The following VLDLR variants were observed in gnomAD, a reference collection of about 807,000 sequenced individuals.
VLDLR encodes very low-density lipoprotein receptor.
In VLDLR, 81 loss-of-function variants were observed where a neutral mutation model predicts 112.7. The observed-to-expected ratio is 0.72, with a 90% confidence interval of 0.60 to 0.86. The LOEUF is 0.86. VLDLR is among the 40% of genes least tolerant of loss of function. VLDLR has a pLI of 0.00. For missense variants in VLDLR, 1,237 were observed against 1,099.4 expected (o/e 1.13, Z -1.77); for synonymous variants, 436 against 384.8 (o/e 1.13, Z -1.56).
intron 11 of VLDLR, 143 bp from the exon 12 acceptor site, chr9:2,647,331 A>T (rs894663374): frequency 3.2e-5 from 22 of 698,362 alleles, no homozygotes; most frequent in Admixed American, 8.6e-5. Context: ...TACCTAGAAC[A>T]TAATTTAGAC....
intron 7 of VLDLR, 145 bp from the exon 8 acceptor site, chr9:2,644,589 C>T (rs1036653588): frequency 7.0e-6 from 7 of 1,001,616 alleles, no homozygotes; most frequent in Non-Finnish European, 1.0e-5. Context: ...GAAATATATA[C>T]CTATAAAATA....
intron 16 of VLDLR, 113 bp downstream of exon 16, chr9:2,651,611 AC>A: frequency 9.6e-7 from 1 of 1,046,418 alleles, no homozygotes; most frequent in East Asian, 2.6e-5. Flanking sequence ...CCAATTGGTA[AC>A]CTATATTTAA....
intron 4 of VLDLR, among the ~76,000 whole-genome samples, chr9:2,641,847 G>C (rs1016059056): frequency 5.9e-5 from 9 of 152,034 alleles, no homozygotes; most frequent in Non-Finnish European, 8.8e-5. Flanking sequence ...AAATTAGAAG[G>C]TGAGTAGGGT....
At chr9:2,653,576 T>C (rs559235616) in intron 18 of VLDLR, among the ~76,000 whole-genome samples, 1 of 152,258 alleles carries the variant, frequency 6.6e-6, no homozygotes, top group African/African-American at 2.4e-5. Context: ...TTCACATTTT[T>C]CCCCAAGACT....
rs1172542610 is a variant in VLDLR at position 2,635,544 on chromosome 9, T to C, written c.174T>C (p.Cys58=). 6.2e-7 allele frequency: 1 copy of C among 1,614,054 alleles called. No homozygotes were observed. The highest frequency in any genetic ancestry group is 8.5e-7 in the Non-Finnish European group (1 of 1,180,004). Residue 58 remains cysteine, a synonymous_variant, in exon 2 of 19, where the codon TGT becomes TGC. Transcript: ENST00000382100. ...LLWKCDGDED[C]VDGSDEKNCV... is the part of the protein sequence containing the mutation. Reference sequence around the variant, plus strand: ...GGAAATGTGATGGGGATGAAGACTGTGTTGACGGCAGTGATGAAAAGAACT... The same window carrying C: ...GGAAATGTGATGGGGATGAAGACTGCGTTGACGGCAGTGATGAAAAGAACT...
In VLDLR at chr9:2,657,428, C is replaced by T. The variant is rs964141292; in HGVS notation, c.*3560C>T. On this transcript the variant is annotated 3_prime_UTR_variant, in exon 19 of 19. Coordinates refer to ENST00000382100, the MANE Select transcript of VLDLR (RefSeq NM_003383.5). ...AGTTTCATAATTGTTTTATCCTGAA[C>T]GTAGTTGTGACATAGACATTTCTCA... is the stretch of plus-strand genomic sequence containing the variant. 2 of 152,166 alleles carry T rather than the reference C, an allele frequency of 1.3e-5. No individual in the cohort carries two copies. The highest frequency in any genetic ancestry group is 1.5e-5 in the Non-Finnish European group (1 of 68,034). 9.4% of individuals were successfully genotyped at this position (152,166 alleles called of 1,614,324 possible).
At chr9:2,650,637 C>T (rs999802698) in intron 15 of VLDLR, 121 bp downstream of exon 15, 66 of 1,370,036 alleles carry the variant, frequency 4.8e-5, no homozygotes, top group South Asian at 6.2e-5. Flanking sequence ...GAGAAGATAT[C>T]TGCTATTGTA....
rs1304336697 is a variant in VLDLR, at chr9:2,650,413, A to C, written c.2148A>C (p.Glu716Asp). ...AAGACATGGAGAATGGAGGATGTGA[A>C]TACCTATGCCTGCCAGCACCACAGA... The part of the protein sequence containing the change: ...CEEDMENGGC[E>D]YLCLPAPQIN... The change falls in exon 15 of 19, where the codon GAA (glutamate) becomes GAC (aspartate). Residue 716 changes from glutamate to aspartate, a missense_variant. Transcript: ENST00000382100. The C allele has an allele frequency of 6.2e-7, 1 of 1,614,130 alleles. No homozygotes were observed. Among genetic ancestry groups the C allele is most frequent in the South Asian group, 1.1e-5 (1 of 91,076 alleles).
chr9:2,658,000 G>C lies in VLDLR; in HGVS notation c.*4132G>C, dbSNP rs946528339. The C allele has an allele frequency of 1.3e-5, 2 of 152,068 alleles. No individual in the cohort carries two copies. The highest frequency in any genetic ancestry group is 2.9e-5 in the Non-Finnish European group (2 of 68,002). 9.4% of individuals were successfully genotyped at this position (152,068 alleles called of 1,614,324 possible). On this transcript the variant is annotated 3_prime_UTR_variant, in exon 19 of 19. Coordinates refer to ENST00000382100, the MANE Select transcript of VLDLR (RefSeq NM_003383.5). The stretch of plus-strand genomic sequence containing the variant: ...TATGAGAGTTCAGAAATATATAAAA[G>C]TACAAAAATCTTCAAAGGTACTTAT...
At chr9:2,647,299 A>G (rs879556852) in intron 11 of VLDLR, among the ~76,000 whole-genome samples, 175 bp from the exon 12 acceptor site, 12 of 152,202 alleles carry the variant, frequency 7.9e-5, no homozygotes, top group Non-Finnish European at 1.2e-4. Context: ...GAGCTTGTAG[A>G]TTCTTAATAT....
intron 4 of VLDLR, 97 bp from the exon 5 acceptor site, chr9:2,643,063 A>T: frequency 1.3e-6 from 2 of 1,573,254 alleles, no homozygotes. Context: ...GTAAGTTAGG[A>T]TTAATGAATA....
chr9:2,622,485 C>A, intron 1 of VLDLR: 1 of 455,892 alleles, frequency 2.2e-6, no homozygotes, highest in South Asian at 5.1e-5. Flanking sequence ...TTCGGGGTGC[C>A]CCGACGCCTC....
In VLDLR at chr9:2,648,297, C is replaced by T. The variant is rs1297294111; in HGVS notation, c.1912C>T (p.Leu638=). The change falls in exon 13 of 19, where the codon CTA becomes TTA. Residue 638 remains leucine, a synonymous_variant. Coordinates refer to ENST00000382100, the MANE Select transcript of VLDLR (RefSeq NM_003383.5). ...DLNGQDRRIV[L]KSLEFLAHPL... Reference sequence around the variant, plus strand: ...GAATGGCCAAGATCGTAGGATAGTACTAAAGTCTCTGGAGTTCCTAGCTCA... The same window carrying T: ...GAATGGCCAAGATCGTAGGATAGTATTAAAGTCTCTGGAGTTCCTAGCTCA... 6 of 1,614,048 alleles carry T rather than the reference C, an allele frequency of 3.7e-6. No individual in the cohort carries two copies. Among genetic ancestry groups the T allele is most frequent in the African/African-American group, 2.7e-5 (2 of 74,928 alleles).
At chr9:2,631,446 A>G (rs1177207788) in intron 1 of VLDLR, among the ~76,000 whole-genome samples, 2 of 152,180 alleles carry the variant, frequency 1.3e-5, no homozygotes, top group African/African-American at 4.8e-5. Flanking sequence ...TAAAGAAAAT[A>G]TGGTACATAT....
chr9:2,646,733 A>G (rs1362661079), intron 11 of VLDLR, among the ~76,000 whole-genome samples, 181 bp downstream of exon 11: 1 of 152,334 alleles, frequency 6.6e-6, no homozygotes, highest in South Asian at 2.1e-4. Flanking sequence ...GTCCTTATCT[A>G]TATGACAGGT....
Position 2,648,677 on chromosome 9 carries a change from C to T in VLDLR, c.1971C>T (p.Val657=), listed in dbSNP as rs1039272492. ...PLALTIFEDR[V]YWIDGENEAV... is the part of the protein sequence containing the mutation. ...GTGGGCTTCTGTTTTAGGATCGTGT[C>T]TACTGGATAGATGGGGAAAATGAAG... The change falls in exon 14 of 19, where the codon GTC becomes GTT. Residue 657 remains valine (V), a synonymous_variant. Coordinates refer to ENST00000382100, the MANE Select transcript of VLDLR (RefSeq NM_003383.5). 2 of 1,614,122 alleles carry T rather than the reference C, an allele frequency of 1.2e-6. No individual in the cohort carries two copies. The highest frequency in any genetic ancestry group is 4.5e-5 in the East Asian group (2 of 44,876).
chr9:2,652,015 T>C (rs1586660789), intron 17 of VLDLR, 61 bp downstream of exon 17: 1 of 1,536,468 alleles, frequency 6.5e-7, no homozygotes, highest in East Asian at 2.3e-5. Context: ...TGAAGATTTT[T>C]TGTTCATCTG....
In VLDLR at chr9:2,652,938, A is replaced by G. The variant is rs1288545088; in HGVS notation, c.2575A>G (p.Thr859Ala). The G allele has an allele frequency of 6.2e-7, 1 of 1,614,088 alleles. No homozygotes were observed. Among genetic ancestry groups the G allele is most frequent in the Non-Finnish European group, 8.5e-7 (1 of 1,179,952 alleles). Residue 859 changes from threonine (T) to alanine (A), a missense_variant, in exon 18 of 19, where the codon ACG becomes GCG. Thr to Ala is a moderately conservative substitution (Grantham distance 58). Coordinates refer to ENST00000382100, the MANE Select transcript of VLDLR (RefSeq NM_003383.5). ...TAGACACAGTGCTTCTGTTGGACAC[A>G]CGTACCCAGCAGTAAGTCAGCTTTG... is the stretch of plus-strand genomic sequence containing the variant. ...IGRHSASVGH[T>A]YPAISVVSTD...
chr9:2,652,749 G>C, intron 17 of VLDLR, 31 bp from the exon 18 acceptor site: 1 of 1,613,856 alleles, frequency 6.2e-7, no homozygotes, highest in Non-Finnish European at 8.5e-7. Flanking sequence ...ACTAGACTTA[G>C]CTCACTTAGC....
Sources: gnomAD v4.1 joint callset for allele counts (sites outside exome capture counted in the v4.1 genomes callset) on GRCh38, gnomAD v4.1.1 for gene constraint, MANE v1.5 for transcripts, NCBI Gene and HGNC (gene_info 2026-07-23, HGNC 2026-07-21) for gene names.